Variants in CACNG4 observed in about 807,000 individuals in gnomAD.
CACNG4 encodes the protein calcium voltage-gated channel auxiliary subunit gamma 4, also known as voltage-dependent calcium channel gamma-4 subunit.
Under a neutral mutation model 22.9 loss-of-function variants are expected in CACNG4, and 8 were observed. The observed-to-expected ratio is 0.35, with a 90% confidence interval of 0.21 to 0.63. CACNG4 has a LOEUF of 0.63. CACNG4 is among the 30% of genes least tolerant of loss of function. The pLI is 0.72. For missense variants in CACNG4, 357 were observed against 455.4 expected (o/e 0.78, Z 1.97); for synonymous variants, 188 against 191.9 (o/e 0.98, Z 0.17).
intron 1 of CACNG4, among the ~76,000 whole-genome samples, chr17:66,980,618 TTC>T (rs1431834314): frequency 2.2e-5 from 3 of 134,788 alleles, no homozygotes; most frequent in Admixed American, 7.7e-5. Flanking sequence ...TTTGTGTAAA[TTC>T]TTTTTTTTTT....
At chr17:67,025,093 C>A in intron 3 of CACNG4, 93 bp downstream of exon 3, 2 of 1,240,362 alleles carry the variant, frequency 1.6e-6, no homozygotes, top group Non-Finnish European at 2.1e-6. Context: ...AGTGTGCATC[C>A]TAGAGGGGAA....
chr17:67,021,351 C>G (rs1455720347), intron 2 of CACNG4, among the ~76,000 whole-genome samples: 1 of 152,262 alleles, frequency 6.6e-6, no homozygotes. Flanking sequence ...GTGGGGCTGC[C>G]TGCAGGATGC....
chr17:66,973,055 G>A (rs2035214560), intron 1 of CACNG4, among the ~76,000 whole-genome samples: 1 of 152,168 alleles, frequency 6.6e-6, no homozygotes, highest in African/African-American at 2.4e-5. Context: ...AGACCACCCT[G>A]ACCAATATGG....
At chr17:67,005,449 G>A (rs923555623) in intron 1 of CACNG4, among the ~76,000 whole-genome samples, 1 of 152,200 alleles carries the variant, frequency 6.6e-6, no homozygotes, top group African/African-American at 2.4e-5. Context: ...CTGCCCCTCT[G>A]AATCACTGCA....
At chr17:67,016,073 A>G (rs2035495565) in intron 1 of CACNG4, among the ~76,000 whole-genome samples, 1 of 152,028 alleles carries the variant, frequency 6.6e-6, no homozygotes, top group African/African-American at 2.4e-5. Context: ...CTCATGAAGG[A>G]GCGAGGGTGG....
In CACNG4 at chr17:67,024,804, G is replaced by A. The variant is rs560631808; in HGVS notation, c.305-56G>A. 1.8e-4 allele frequency: 257 copies of A among 1,430,206 alleles called. No homozygotes were observed. In the African/African-American group the frequency reaches 2.6e-3, roughly 14 times the overall value. 88.6% of individuals were successfully genotyped at this position (1,430,206 alleles called of 1,614,324 possible). A position where few individuals can be genotyped will look rare whatever the true frequency, so the allele number is the denominator to read the frequency against. ...CTGGGAGACATACGCAGCCATGCCC[G>A]GGAGGGCACCTGATCTCACTGCCCT... On this transcript the variant is annotated intron_variant, in intron 2 of 3. Coordinates refer to ENST00000262138, the MANE Select transcript of CACNG4 (RefSeq NM_014405.4).
chr17:66,977,519 G>A (rs765224619), intron 1 of CACNG4, among the ~76,000 whole-genome samples: 4 of 152,176 alleles, frequency 2.6e-5, no homozygotes, highest in Non-Finnish European at 5.9e-5. Context: ...TAGCTTCTCT[G>A]GGCCTCAGTT....
chr17:66,967,892 G>A (rs2143266738), intron 1 of CACNG4, among the ~76,000 whole-genome samples: 1 of 152,152 alleles, frequency 6.6e-6, no homozygotes, highest in East Asian at 1.9e-4. Flanking sequence ...ATTCTGGCAG[G>A]GCTACGTGCA....
intron 1 of CACNG4, among the ~76,000 whole-genome samples, chr17:66,978,369 A>C (rs913819576): frequency 1.3e-5 from 2 of 152,206 alleles, no homozygotes; most frequent in Non-Finnish European, 2.9e-5. Flanking sequence ...AACCCAAAAA[A>C]TACGTGGTAC....
rs143934513 is a variant in CACNG4 at position 67,021,156 on chromosome 17, G to A, written c.304+2884G>A. On this transcript the variant is annotated intron_variant, in intron 2 of 3. Coordinates refer to ENST00000262138, the MANE Select transcript of CACNG4 (RefSeq NM_014405.4). Reference sequence around the variant, plus strand: ...GTTGAGGCTGCAGTGAGCCACGATCGTGCCACTGCACTCCAGCCTGCATGA... The same window carrying A: ...GTTGAGGCTGCAGTGAGCCACGATCATGCCACTGCACTCCAGCCTGCATGA... 5.5e-3 allele frequency among the ~76,000 whole-genome samples: 832 copies of A among 152,056 alleles called. 10 individuals carry two copies. Among genetic ancestry groups the A allele is most frequent in the African/African-American group, 0.019 (774 of 41,462 alleles).
At chr17:67,019,350 CCCTCA>C (rs1313783102) in intron 2 of CACNG4, among the ~76,000 whole-genome samples, 1 of 152,154 alleles carries the variant, frequency 6.6e-6, no homozygotes, top group African/African-American at 2.4e-5. Context: ...CATCCTTCCT[CCCTCA>C]CCTCCTCCTC....
chr17:67,018,320 G>C (rs1418782743), intron 2 of CACNG4, 48 bp downstream of exon 2: 7 of 1,454,546 alleles, frequency 4.8e-6, no homozygotes, highest in Non-Finnish European at 6.8e-6. Context: ...AGGCGGAAGG[G>C]TGGGGGAAGG....
chr17:67,019,847 T>C (rs1267822521), intron 2 of CACNG4: 1 of 152,222 alleles, frequency 6.6e-6, no homozygotes, highest in Non-Finnish European at 1.5e-5. Context: ...TCTTTATGGA[T>C]TGGCTTCAAG....
intron 1 of CACNG4, among the ~76,000 whole-genome samples, chr17:66,978,469 T>C (rs1339018069): frequency 1.3e-5 from 2 of 151,990 alleles, no homozygotes; most frequent in African/African-American, 4.8e-5. Flanking sequence ...TCCTGCCCAC[T>C]TCACCCCTCC....
At chr17:66,978,000 T>A (rs1165126696) in intron 1 of CACNG4, among the ~76,000 whole-genome samples, 1 of 152,156 alleles carries the variant, frequency 6.6e-6, no homozygotes, top group East Asian at 1.9e-4. Context: ...CATAGGGTTG[T>A]CAGGAGAATC....
At chr17:67,000,784 TG>T (rs1469219709) in intron 1 of CACNG4, among the ~76,000 whole-genome samples, 1 of 152,194 alleles carries the variant, frequency 6.6e-6, no homozygotes, top group Non-Finnish European at 1.5e-5. Context: ...AAGTTATCCT[TG>T]GGGATCCTCC....
Position 66,978,324 on chromosome 17 carries a change from CAT to C in CACNG4, c.220+13194_220+13195del, listed in dbSNP as rs150033332. ...AGTGCTTGCTTTGGAGCTGGCATAACATGTGTTCAATGCATGTAGTTATTCTC... is the reference window on the plus strand; with the variant it reads ...AGTGCTTGCTTTGGAGCTGGCATAACGTGTTCAATGCATGTAGTTATTCTC... On this transcript the variant is annotated intron_variant, in intron 1 of 3. Coordinates refer to ENST00000262138, the MANE Select transcript of CACNG4 (RefSeq NM_014405.4). 5.1e-3 allele frequency among the ~76,000 whole-genome samples: 776 copies of C among 152,312 alleles called. 9 individuals carry two copies. The highest frequency in any genetic ancestry group is 0.016 in the African/African-American group (685 of 41,566).
chr17:67,016,438 G>C (rs2035498046), intron 1 of CACNG4, among the ~76,000 whole-genome samples: 3 of 152,126 alleles, frequency 2.0e-5, no homozygotes, highest in Non-Finnish European at 4.4e-5. Flanking sequence ...GGGCCCAATG[G>C]AGGAAAGAGC....
chr17:67,002,995 A>G (rs984259986), intron 1 of CACNG4, among the ~76,000 whole-genome samples: 2 of 152,082 alleles, frequency 1.3e-5, no homozygotes, highest in African/African-American at 4.8e-5. Flanking sequence ...TTCTTTTGGA[A>G]GACACAGTAT....
Sources: allele counts gnomAD v4.1 joint callset (sites outside exome capture counted in the v4.1 genomes callset), GRCh38; gene constraint gnomAD v4.1.1; transcripts MANE v1.5; gene names NCBI Gene and HGNC (gene_info 2026-07-23, HGNC 2026-07-21).